The following FAM162B variants were observed in gnomAD, a reference collection of about 807,000 sequenced individuals.
FAM162B encodes protein FAM162B.
A neutral mutation model predicts 20.0 loss-of-function variants in FAM162B; 16 were observed. The observed-to-expected ratio is 0.80, with a 90% CI of 0.54 to 1.21. FAM162B has a LOEUF of 1.21. FAM162B is among the 50% of genes most tolerant of loss of function. The pLI is 0.00. For missense variants in FAM162B, 260 were observed against 227.5 expected (o/e 1.14, Z -0.92); for synonymous variants, 83 against 89.7 (o/e 0.93, Z 0.42).
At chr6:116,761,844 A>T (rs1771788628) in intron 3 of FAM162B, 133 bp downstream of exon 3, 4 of 560,066 alleles carry the variant, frequency 7.1e-6, no homozygotes, top group South Asian at 4.4e-5. Context: ...AATGTCCATG[A>T]CATTTCTTAA....
Position 116,762,023 on chromosome 6 carries a change from C to G in FAM162B, c.344G>C (p.Gly115Ala), listed in dbSNP as rs199855374. 5.4e-5 allele frequency: 87 copies of G among 1,602,980 alleles called. No individual in the cohort carries two copies. In the African/African-American group the frequency reaches 9.2e-4, roughly 17 times the overall value. The change falls in exon 3 of 4, where the codon GGA (glycine) becomes GCA (alanine). Residue 115 changes from glycine (G) to alanine (A), a missense_variant. By Grantham distance (60) the Gly-to-Ala change is moderately conservative. Coordinates refer to ENST00000368557, the MANE Select transcript of FAM162B (RefSeq NM_001085480.3). ...AGCAAAGCAGGCGATAATTGTGAGT[C>G]CAATCATTATGTAACAAGCTTTCAC... The part of the protein sequence containing the change: ...ARVKACYIMI[G>A]LTIIACFAVI...
chr6:116,765,495 T>C lies in FAM162B; in HGVS notation c.82A>G (p.Thr28Ala), dbSNP rs527815452. The change falls in exon 1 of 4, where the codon ACG becomes GCG. Residue 28 changes from threonine (T) to alanine (A), a missense_variant. Thr to Ala is a moderately conservative substitution (Grantham distance 58). Coordinates refer to ENST00000368557, the MANE Select transcript of FAM162B (RefSeq NM_001085480.3). ...RCGPGAPLEA[T>A]RRPAPALPPR... The stretch of plus-strand genomic sequence containing the variant: ...GGAAGAGCCGGTGCGGGCCGTCGCG[T>C]GGCCTCGAGAGGCGCCCCGGGGCCG... The C allele has an allele frequency of 5.4e-4, 765 of 1,406,504 alleles. 3 individuals are homozygous for C. In the African/African-American group the frequency reaches 0.01, roughly 19 times the overall value. The allele number at this position is 1,406,504 out of a possible 1,614,324, so 87.1% of individuals were successfully genotyped here.
intron 3 of FAM162B, among the ~76,000 whole-genome samples, chr6:116,755,604 T>G (rs1041023680): frequency 2.0e-5 from 3 of 152,204 alleles, no homozygotes; most frequent in Admixed American, 6.5e-5. Flanking sequence ...AGTTTTTCAA[T>G]GAAGACAAAA....
In FAM162B at chr6:116,752,813, T is replaced by C. The variant is rs1020427211; in HGVS notation, c.391-118A>G. 23 of 243,904 alleles carry C rather than the reference T, an allele frequency of 9.4e-5. No homozygotes were observed. Among genetic ancestry groups the C allele is most frequent in the Non-Finnish European group, 1.2e-4 (17 of 140,252 alleles). The allele number at this position is 243,904 out of a possible 1,614,324, so 15.1% of individuals were successfully genotyped here. A position where few individuals can be genotyped will look rare whatever the true frequency, so the allele number is the denominator to read the frequency against. On this transcript the variant is annotated intron_variant, in intron 3 of 3. Coordinates refer to ENST00000368557, the MANE Select transcript of FAM162B (RefSeq NM_001085480.3). Reference sequence around the variant, plus strand: ...CTCTGGAAACTGGAAAAATTTGTATTTGAGATAGAAATACACAGGAGGGAA... The same window carrying C: ...CTCTGGAAACTGGAAAAATTTGTATCTGAGATAGAAATACACAGGAGGGAA...
At chr6:116,764,149 G>T (rs2114554221) in intron 2 of FAM162B, among the ~76,000 whole-genome samples, 1 of 152,072 alleles carries the variant, frequency 6.6e-6, no homozygotes, top group Middle Eastern at 3.4e-3. Flanking sequence ...CTGATAAACT[G>T]CAATTGTTTA....
intron 3 of FAM162B, among the ~76,000 whole-genome samples, chr6:116,755,707 T>C (rs1780043979): frequency 6.6e-6 from 1 of 152,174 alleles, no homozygotes; most frequent in South Asian, 2.1e-4. Flanking sequence ...AGGCTGACTC[T>C]CTTGTTAGGA....
intron 3 of FAM162B, among the ~76,000 whole-genome samples, chr6:116,761,136 A>C (rs1780136002): frequency 6.6e-6 from 1 of 152,168 alleles, no homozygotes; most frequent in Non-Finnish European, 1.5e-5. Context: ...TTAAAACTGA[A>C]GAAGCAAATA....
chr6:116,765,073 G>T, intron 2 of FAM162B, 74 bp downstream of exon 2: 1 of 1,471,634 alleles, frequency 6.8e-7, no homozygotes. Context: ...GGTGGCCGCG[G>T]TCGGAAGGTG....
rs772084361 is a variant in FAM162B, at chr6:116,765,586, T to G, written c.-10A>C. The G allele has an allele frequency of 2.1e-5, 28 of 1,322,554 alleles. No homozygotes were observed. The highest frequency in any genetic ancestry group is 2.6e-5 in the Non-Finnish European group (27 of 1,043,448). The allele number at this position is 1,322,554 out of a possible 1,614,324, so 81.9% of individuals were successfully genotyped here. ...CGACCGCCCTGAGCATGCTGCCCGC[T>G]TGTCCCGCGCCGCACCCGCACCTCC... is the stretch of plus-strand genomic sequence containing the variant. On this transcript the variant is annotated 5_prime_UTR_variant, in exon 1 of 4. Coordinates refer to ENST00000368557, the MANE Select transcript of FAM162B (RefSeq NM_001085480.3).
In FAM162B at chr6:116,752,755, T is replaced by C. The variant is rs796138842; in HGVS notation, c.391-60A>G. On this transcript the variant is annotated intron_variant, in intron 3 of 3. Transcript: ENST00000368557. Reference sequence around the variant, plus strand: ...ATATAGATACACGTATATATATATATATACATATATGTATATATATCTCAC... The same window carrying C: ...ATATAGATACACGTATATATATATACATACATATATGTATATATATCTCAC... The C allele has an allele frequency of 3.7e-3, 1,619 of 432,630 alleles. 63 individuals carry two copies. The South Asian group carries it at 0.04, about 11-fold the overall frequency. 26.8% of individuals were successfully genotyped at this position (432,630 alleles called of 1,614,324 possible). A position where few individuals can be genotyped will look rare whatever the true frequency, so the allele number is the denominator to read the frequency against.
At chr6:116,759,871 G>GTTCT (rs1388892370) in intron 3 of FAM162B, among the ~76,000 whole-genome samples, 1 of 152,082 alleles carries the variant, frequency 6.6e-6, no homozygotes, top group Non-Finnish European at 1.5e-5. Context: ...TGCACATGCT[G>GTTCT]TTCTTTCCTT....
chr6:116,753,141 C>G (rs1224713603), intron 3 of FAM162B, among the ~76,000 whole-genome samples: 2 of 152,046 alleles, frequency 1.3e-5, no homozygotes, highest in Admixed American at 1.3e-4. Flanking sequence ...CAGCATCACC[C>G]ACCTACTTGC....
chr6:116,752,730 A>T, intron 3 of FAM162B, 35 bp from the exon 4 acceptor site: 1 of 598,090 alleles, frequency 1.7e-6, no homozygotes, highest in Non-Finnish European at 2.4e-6. Context: ...ATATATATAT[A>T]TATAGATACA....
intron 2 of FAM162B, 33 bp from the exon 3 acceptor site, chr6:116,762,118 A>C: frequency 6.7e-7 from 1 of 1,488,022 alleles, no homozygotes; most frequent in Non-Finnish European, 9.1e-7. Context: ...TTAAATATGT[A>C]AAAGTAATAT....
intron 2 of FAM162B, among the ~76,000 whole-genome samples, chr6:116,764,751 G>A (rs1201891531): frequency 3.3e-5 from 5 of 152,174 alleles, no homozygotes; most frequent in Non-Finnish European, 1.5e-5. Flanking sequence ...GTGGGGTAGG[G>A]GGACGCCCCC....
chr6:116,756,871 A>T (rs1780057888), intron 3 of FAM162B, among the ~76,000 whole-genome samples: 1 of 152,172 alleles, frequency 6.6e-6, no homozygotes, highest in Admixed American at 6.5e-5. Flanking sequence ...TCTAATATTC[A>T]CTTTATTGTG....
chr6:116,763,621 G>A lies in FAM162B; in HGVS notation c.281+1526C>T, dbSNP rs544514861. On this transcript the variant is annotated intron_variant, in intron 2 of 3. Coordinates refer to ENST00000368557, the MANE Select transcript of FAM162B (RefSeq NM_001085480.3). The stretch of plus-strand genomic sequence containing the variant: ...TACATTATTTCTGTAAAATGAGTCT[G>A]TTCACAAATACAGCTATGTTAAATG... 1.0e-3 allele frequency among the ~76,000 whole-genome samples: 159 copies of A among 152,184 alleles called. 2 individuals are homozygous for A. Among genetic ancestry groups the A allele is most frequent in the Non-Finnish European group, 1.6e-3 (109 of 67,992 alleles).
At chr6:116,761,935 CTTACCCT>C in intron 3 of FAM162B, 35 bp downstream of exon 3, 1 of 1,449,382 alleles carries the variant, frequency 6.9e-7, no homozygotes, top group Middle Eastern at 1.8e-4. Flanking sequence ...AAAAGAGGTA[CTTACCCT>C]TTTAACTGAC....
chr6:116,755,210 A>G (rs1780039001), intron 3 of FAM162B, among the ~76,000 whole-genome samples: 1 of 152,258 alleles, frequency 6.6e-6, no homozygotes, highest in African/African-American at 2.4e-5. Context: ...CACGTTGTGA[A>G]TGCAAAGGAA....
Sources: allele counts gnomAD v4.1 joint callset (sites outside exome capture counted in the v4.1 genomes callset), GRCh38; gene constraint gnomAD v4.1.1; transcripts MANE v1.5; gene names NCBI Gene and HGNC (gene_info 2026-07-23, HGNC 2026-07-21).